Variants in GREB1L observed in about 807,000 individuals in gnomAD.
The protein encoded by GREB1L is GREB1-like protein.
Under a neutral mutation model 200.8 loss-of-function variants are expected in GREB1L, and 17 were observed. The ratio of observed to expected loss-of-function variants is 0.08; its 90% confidence interval spans 0.06 to 0.13. The LOEUF (loss-of-function observed/expected upper bound fraction) is 0.13. GREB1L is among the 10% of genes least tolerant of loss of function. GREB1L has a pLI of 1.00. For synonymous variants in GREB1L, 789 were observed against 893.0 expected (o/e 0.88, Z 2.08); for missense variants, 1,657 against 2,367.7 (o/e 0.70, Z 6.23).
chr18:21,451,079 A>G lies in GREB1L; in HGVS notation c.1777A>G (p.Lys593Glu). Residue 593 changes from lysine (K) to glutamate (E), a missense_variant, in exon 13 of 33, where the codon AAA (lysine) becomes GAA (glutamate). Around this residue, in one of 9 missense-constraint regions of GREB1L, gnomAD observed 239 missense variants for 421.8 expected, o/e 0.57. Transcript: ENST00000424526. The part of the protein sequence containing the change: ...ESMLTTSEFL[K>E]EISYELITGK... ...CATGCTCACCACAAGTGAGTTTTTG[A>G]AAGAAATTAGTTATGAGCTTATCAC... The G allele has an allele frequency of 6.4e-7, 1 of 1,551,914 alleles. No individual in the cohort carries two copies. Among genetic ancestry groups the G allele is most frequent in the Non-Finnish European group, 8.7e-7 (1 of 1,147,012 alleles).
chr18:21,345,718 G>A (rs1236038621), intron 1 of GREB1L, among the ~76,000 whole-genome samples: 2 of 151,640 alleles, frequency 1.3e-5, no homozygotes, highest in Non-Finnish European at 2.9e-5. Context: ...CTAAAAATAC[G>A]AAAATGAGCC....
intron 7 of GREB1L, among the ~76,000 whole-genome samples, chr18:21,436,463 G>T (rs543853698): frequency 6.6e-6 from 1 of 152,090 alleles, no homozygotes; most frequent in Non-Finnish European, 1.5e-5. Context: ...GTGAGACCTT[G>T]TCTCTACAAA....
chr18:21,247,206 A>G (rs527494144), intron 1 of GREB1L, among the ~76,000 whole-genome samples: 1 of 151,068 alleles, frequency 6.6e-6, no homozygotes, highest in Non-Finnish European at 1.5e-5. Context: ...CTTCTACCCA[A>G]CTCTGTATTT....
intron 20 of GREB1L, 66 bp downstream of exon 20, chr18:21,495,851 G>A: frequency 1.2e-6 from 1 of 834,094 alleles, no homozygotes; most frequent in South Asian, 1.7e-5. Context: ...TTAAAACTTG[G>A]CTGATGGCCC....
At position 21,519,861 on chromosome 18, in the gene GREB1L, T is replaced by G. The variant is rs181095464; in HGVS notation, c.5473-827T>G. Among the ~76,000 whole-genome samples, 61 of 152,320 alleles carry G rather than the reference T, an allele frequency of 4.0e-4. 1 individual carries two copies. The South Asian group carries it at 7.0e-3, about 18-fold the overall frequency. On this transcript the variant is annotated intron_variant, in intron 31 of 32. Transcript: ENST00000424526. ...CTATCTTACTTACTTCTCCGTAATTTTTGCAGTTATCATCTGTTCACAGAA... is the reference window on the plus strand; with the variant it reads ...CTATCTTACTTACTTCTCCGTAATTGTTGCAGTTATCATCTGTTCACAGAA...
intron 1 of GREB1L, among the ~76,000 whole-genome samples, chr18:21,252,690 A>G (rs2037731547): frequency 1.3e-5 from 2 of 151,920 alleles, no homozygotes; most frequent in Non-Finnish European, 2.9e-5. Context: ...CAACATGGCA[A>G]AACCCTGTCT....
intron 15 of GREB1L, among the ~76,000 whole-genome samples, chr18:21,459,844 C>T (rs1228537503): frequency 1.3e-5 from 2 of 152,114 alleles, no homozygotes; most frequent in Admixed American, 6.6e-5. Context: ...AGAGGAAACA[C>T]GAGAGATTGC....
chr18:21,277,393 T>C (rs1299284009), intron 1 of GREB1L, among the ~76,000 whole-genome samples: 5 of 152,214 alleles, frequency 3.3e-5, no homozygotes, highest in African/African-American at 1.2e-4. Flanking sequence ...TATGATAGAG[T>C]TGGCTTTTGC....
At position 21,520,907 on chromosome 18, in the gene GREB1L, C is replaced by T. The variant is rs2037581548; in HGVS notation, c.5608+84C>T. 11 of 1,241,040 alleles carry T rather than the reference C, an allele frequency of 8.9e-6. No individual in the cohort carries two copies. In the South Asian group the frequency reaches 1.4e-4, roughly 16 times the overall value. The allele number at this position is 1,241,040 out of a possible 1,614,324, so 76.9% of individuals were successfully genotyped here. A position where few individuals can be genotyped will look rare whatever the true frequency, so the allele number is the denominator to read the frequency against. On this transcript the variant is annotated intron_variant, in intron 32 of 32. Coordinates refer to ENST00000424526, the MANE Select transcript of GREB1L (RefSeq NM_001142966.3). ...AGAAGATAAAGATATTTTTAAAAAGCACTTGAGGCCAGGCGCAGTGGCTCA... is the reference window on the plus strand; with the variant it reads ...AGAAGATAAAGATATTTTTAAAAAGTACTTGAGGCCAGGCGCAGTGGCTCA...
chr18:21,332,687 C>CTGA (rs918063840), intron 1 of GREB1L, among the ~76,000 whole-genome samples: 9 of 152,070 alleles, frequency 5.9e-5, no homozygotes, highest in Admixed American at 5.9e-4. Context: ...GTTGCCCAGG[C>CTGA]TGATCTTGAA....
intron 4 of GREB1L, among the ~76,000 whole-genome samples, chr18:21,391,267 G>A (rs902665603): frequency 1.3e-5 from 2 of 152,092 alleles, no homozygotes; most frequent in Non-Finnish European, 2.9e-5. Context: ...GTTTACATAT[G>A]TTTAGATACA....
At chr18:21,404,425 G>A (rs1374662762) in intron 7 of GREB1L, among the ~76,000 whole-genome samples, 1 of 152,228 alleles carries the variant, frequency 6.6e-6, no homozygotes, top group Non-Finnish European at 1.5e-5. Context: ...TCCTAAGCTA[G>A]GATTGTGGAT....
intron 7 of GREB1L, among the ~76,000 whole-genome samples, chr18:21,430,581 C>CTTTTTTTT (rs147151717): frequency 3.3e-5 from 2 of 60,214 alleles, no homozygotes; most frequent in Non-Finnish European, 6.2e-5. Flanking sequence ...GATTTGGGAT[C>CTTTTTTTT]TTTTTTTTTT....
intron 1 of GREB1L, among the ~76,000 whole-genome samples, chr18:21,339,237 A>G (rs775575282): frequency 4.6e-5 from 7 of 152,138 alleles, no homozygotes; most frequent in African/African-American, 1.4e-4. Context: ...TAAAAGGCAC[A>G]TAGTGGAGTC....
chr18:21,396,980 A>G (rs149220189), intron 5 of GREB1L, among the ~76,000 whole-genome samples: 18 of 152,326 alleles, frequency 1.2e-4, no homozygotes, highest in Non-Finnish European at 8.8e-5. Flanking sequence ...GAATAGAGCA[A>G]TGAATTCAAA....
intron 15 of GREB1L, among the ~76,000 whole-genome samples, chr18:21,457,553 T>C (rs2034825361): frequency 6.6e-6 from 1 of 152,246 alleles, no homozygotes; most frequent in Non-Finnish European, 1.5e-5. Flanking sequence ...TAATACCTAG[T>C]GTTCCACCTC....
intron 1 of GREB1L, among the ~76,000 whole-genome samples, chr18:21,303,252 T>C (rs2038647263): frequency 6.6e-6 from 1 of 152,192 alleles, no homozygotes; most frequent in African/African-American, 2.4e-5. Context: ...GAACTTGAAG[T>C]TTTTATGCAC....
intron 1 of GREB1L, among the ~76,000 whole-genome samples, chr18:21,362,406 T>G (rs2039593792): frequency 1.3e-5 from 2 of 152,168 alleles, no homozygotes; most frequent in African/African-American, 4.8e-5. Context: ...GTAGCATAAC[T>G]TAAAGACTTT....
At chr18:21,353,075 A>G (rs934036030) in intron 1 of GREB1L, among the ~76,000 whole-genome samples, 1 of 151,852 alleles carries the variant, frequency 6.6e-6, no homozygotes, top group Non-Finnish European at 1.5e-5. Context: ...CCAGCTATTC[A>G]GGAGGCTGAG....
Sources: allele counts gnomAD v4.1 joint callset (sites outside exome capture counted in the v4.1 genomes callset), GRCh38; gene constraint gnomAD v4.1.1; regional missense constraint gnomAD v4.1.1; transcripts MANE v1.5; gene names NCBI Gene and HGNC (gene_info 2026-07-23, HGNC 2026-07-21).